RIN3: variants seen among roughly 807,000 people sequenced by gnomAD.
The protein encoded by RIN3 is RAB5 interacting protein 3.
RIN3 carries 54 observed loss-of-function variants against 76.3 expected under a neutral mutation model. The ratio of observed to expected loss-of-function variants is 0.71; its 90% CI spans 0.57 to 0.89. RIN3 has a LOEUF of 0.89. Among genes scored for constraint, RIN3 ranks in the 40% least tolerant of loss-of-function variants. The probability of loss-of-function intolerance (pLI) is 0.00; values close to 1 mark genes in which losing one functional copy is unlikely to be tolerated. For missense variants in RIN3, 1,256 were observed against 1,322.1 expected (o/e 0.95, Z 0.78); for synonymous variants, 576 against 564.0 (o/e 1.02, Z -0.30).
intron 3 of RIN3, among the ~76,000 whole-genome samples, chr14:92,605,569 T>C (rs1218632954): frequency 6.6e-6 from 1 of 152,258 alleles, no homozygotes; most frequent in Non-Finnish European, 1.5e-5. Context: ...TCACACTTCA[T>C]ATGTTAGCAA....
intron 3 of RIN3, among the ~76,000 whole-genome samples, chr14:92,596,479 G>T (rs983412072): frequency 1.2e-4 from 19 of 152,184 alleles, no homozygotes; most frequent in African/African-American, 4.6e-4. Flanking sequence ...CCTGAGCCAG[G>T]TTGTTTCCTG....
At chr14:92,649,616 G>C (rs909339348) in intron 5 of RIN3, among the ~76,000 whole-genome samples, 5 of 152,246 alleles carry the variant, frequency 3.3e-5, no homozygotes, top group African/African-American at 4.8e-5. Context: ...GCCTGGGAGA[G>C]TGAGGCATAC....
chr14:92,652,829 TTCCTC>T lies in RIN3; in HGVS notation c.1784_1788del (p.Leu595GlnfsTer130), dbSNP rs1566888520. ...CAGTTTCAGCAGCATGTTCCACGCT[TTCCTC>T]TCCAACAACCGCAAGCTGTACAAGA... On this transcript the variant is annotated frameshift_variant, in exon 6 of 10. Transcript: ENST00000216487. LOFTEE classifies it high-confidence loss of function. The surrounding 1 kb of genome is among the most constrained non-coding windows in gnomAD (Gnocchi z 6.4). The T allele has an allele frequency of 6.2e-7, 1 of 1,614,060 alleles. No homozygotes were observed. The highest frequency in any genetic ancestry group is 8.5e-7 in the Non-Finnish European group (1 of 1,180,036).
chr14:92,542,518 A>C (rs1182452432), intron 1 of RIN3, among the ~76,000 whole-genome samples: 1 of 152,230 alleles, frequency 6.6e-6, no homozygotes, highest in Non-Finnish European at 1.5e-5. Context: ...GTAGCTCCTC[A>C]AAATACTAAA....
intron 7 of RIN3, among the ~76,000 whole-genome samples, chr14:92,674,107 C>T (rs1044747381): frequency 1.3e-5 from 2 of 152,208 alleles, no homozygotes; most frequent in South Asian, 2.1e-4. Flanking sequence ...CCACCTGTGC[C>T]GTTTCAATTA....
chr14:92,574,404 A>G (rs752628), intron 2 of RIN3, among the ~76,000 whole-genome samples: 52,866 of 152,080 alleles, frequency 0.35, 10,686 homozygotes, highest in East Asian at 0.49. Context: ...TACTGTACAC[A>G]TGGTGACAAA....
chr14:92,591,419 A>G (rs942954442), intron 3 of RIN3, among the ~76,000 whole-genome samples: 3 of 149,192 alleles, frequency 2.0e-5, no homozygotes, highest in Non-Finnish European at 4.5e-5. Context: ...CAGAAAAAAT[A>G]TTTGAAACAA....
chr14:92,672,390 C>T (rs915997627), intron 7 of RIN3, among the ~76,000 whole-genome samples: 8 of 152,104 alleles, frequency 5.3e-5, no homozygotes, highest in Middle Eastern at 3.4e-3. Context: ...CCAGCCTGGG[C>T]GACAAGAGCA....
intron 1 of RIN3, among the ~76,000 whole-genome samples, chr14:92,526,222 G>C (rs1028015017): frequency 6.6e-6 from 1 of 151,976 alleles, no homozygotes; most frequent in Non-Finnish European, 1.5e-5. Context: ...TTGGGAGGCC[G>C]AGGCAGGTGG....
chr14:92,628,400 C>A (rs186415486), intron 4 of RIN3, among the ~76,000 whole-genome samples: 103 of 152,258 alleles, frequency 6.8e-4, no homozygotes, highest in Admixed American at 6.5e-3. Flanking sequence ...AAGAGCATCC[C>A]CTTTGGGGAG....
chr14:92,542,275 G>A (rs1370658721), intron 1 of RIN3, among the ~76,000 whole-genome samples: 4 of 151,954 alleles, frequency 2.6e-5, no homozygotes, highest in Admixed American at 6.6e-5. Context: ...TTGACAGAGC[G>A]AGACCCTGTC....
In RIN3 at chr14:92,659,481, G is replaced by A. The variant is rs562921208; in HGVS notation, c.2335+12G>A. On this transcript the variant is annotated intron_variant, in intron 7 of 9. Coordinates refer to ENST00000216487, the MANE Select transcript of RIN3 (RefSeq NM_024832.5). ...CCTCGGCAACCCAGGTCAGTGGGCA[G>A]CCGGGAGGGGTCTGGGTGAGGAGCT... 13 of 1,582,626 alleles carry A rather than the reference G, an allele frequency of 8.2e-6. No homozygotes were observed. The African/African-American group carries it at 1.6e-4, about 20-fold the overall frequency.
chr14:92,556,299 A>G (rs763919086), intron 2 of RIN3, among the ~76,000 whole-genome samples: 1 of 152,044 alleles, frequency 6.6e-6, no homozygotes. Flanking sequence ...GGGCTCAGCC[A>G]GGCATCCAGG....
At chr14:92,630,452 A>T (rs563946735) in intron 4 of RIN3, among the ~76,000 whole-genome samples, 2 of 152,342 alleles carry the variant, frequency 1.3e-5, no homozygotes, top group South Asian at 2.1e-4. Flanking sequence ...AGACTGTGCC[A>T]CTGCACTCCA....
At chr14:92,649,018 G>A (rs1012855582) in intron 5 of RIN3, among the ~76,000 whole-genome samples, 5 of 152,116 alleles carry the variant, frequency 3.3e-5, no homozygotes, top group African/African-American at 1.2e-4. Flanking sequence ...GTGAAGACTC[G>A]GTAGATGATG....
At chr14:92,686,079 G>A (rs1888847553) in intron 9 of RIN3, 1 of 152,404 alleles carries the variant, frequency 6.6e-6, no homozygotes, top group Non-Finnish European at 1.5e-5. Flanking sequence ...TTGGACTAGT[G>A]AGCCAGGCAC....
At chr14:92,604,022 C>T (rs72697299) in intron 3 of RIN3, among the ~76,000 whole-genome samples, 21,602 of 152,316 alleles carry the variant, frequency 0.14, 1,701 homozygotes, top group Non-Finnish European at 0.18. Flanking sequence ...AGTGGTGGTT[C>T]CCATGGCAAC....
At chr14:92,529,467 C>T (rs1896828761) in intron 1 of RIN3, among the ~76,000 whole-genome samples, 1 of 152,188 alleles carries the variant, frequency 6.6e-6, no homozygotes, top group Admixed American at 6.5e-5. Flanking sequence ...CCAGACTGGT[C>T]TTGAACTCCT....
At chr14:92,549,315 A>G (rs1897361346) in intron 1 of RIN3, among the ~76,000 whole-genome samples, 1 of 152,180 alleles carries the variant, frequency 6.6e-6, no homozygotes. Context: ...CTATACAGGA[A>G]GGCCTCGGTT....
Sources: allele counts gnomAD v4.1 joint callset (sites outside exome capture counted in the v4.1 genomes callset), GRCh38; gene constraint gnomAD v4.1.1; non-coding constraint Gnocchi (gnomAD v3.1); transcripts MANE v1.5; gene names NCBI Gene and HGNC (gene_info 2026-07-23, HGNC 2026-07-21).